MYH6: variants seen among roughly 807,000 people sequenced by gnomAD.
MYH6 encodes myosin-6.
A neutral mutation model predicts 223.2 loss-of-function variants in MYH6; 126 were observed. The ratio of observed to expected loss-of-function variants is 0.56; its 90% CI spans 0.49 to 0.65. The LOEUF (loss-of-function observed/expected upper bound fraction) is 0.65. Ranked by LOEUF, MYH6 falls within the 30% of genes least tolerant of loss-of-function variation. The pLI is 0.00. For missense variants in MYH6, 2,040 were observed against 2,536.4 expected (o/e 0.80, Z 4.20); for synonymous variants, 978 against 1,010.2 (o/e 0.97, Z 0.61).
At position 23,396,375 on chromosome 14, in the gene MYH6, C is replaced by T. The variant is rs748960382; in HGVS notation, c.2338G>A (p.Asp780Asn). The change falls in exon 20 of 39, where the codon GAT becomes AAT. Residue 780 changes from aspartate (D) to asparagine (N), a missense_variant. Around this residue, in one of 4 missense-constraint regions of MYH6, gnomAD observed 649 missense variants for 877.3 expected, o/e 0.74. Transcript: ENST00000405093. ...GTGATGATGCGGCTCAGCCTCTCATCCCGCATCTCCTCCAGCAGCCCAAGC... is the reference window on the plus strand; with the variant it reads ...GTGATGATGCGGCTCAGCCTCTCATTCCGCATCTCCTCCAGCAGCCCAAGC... ...GLLGLLEEMR[D>N]ERLSRIITRM... 6 of 1,614,074 alleles carry T rather than the reference C, an allele frequency of 3.7e-6. No homozygotes were observed. The South Asian group carries it at 4.4e-5, about 12-fold the overall frequency.
intron 9 of MYH6, 48 bp from the exon 10 acceptor site, chr14:23,403,494 A>G: frequency 6.5e-7 from 1 of 1,548,252 alleles, no homozygotes; most frequent in Non-Finnish European, 8.9e-7. Context: ...GAAAGAGAGT[A>G]GAGCCAGAAA....
chr14:23,390,472 C>T (rs1449060953), intron 25 of MYH6, 26 bp from the exon 26 acceptor site: 1 of 1,609,732 alleles, frequency 6.2e-7, no homozygotes, highest in East Asian at 2.2e-5. Flanking sequence ...AGGGCTCAGA[C>T]CCACCGCCTG....
In MYH6 at chr14:23,384,601, G is replaced by C. The variant is rs1363465884; in HGVS notation, c.5406C>G (p.Ala1802=). ...IKDLQHRLDE[A]EQIALKGGKK... is the part of the protein sequence containing the mutation. Reference sequence around the variant, plus strand: ...TGCCTCCCTTGAGGGCGATCTGCTCGGCCTCGTCCAGCCGGTGCTGCAGGT... The same window carrying C: ...TGCCTCCCTTGAGGGCGATCTGCTCCGCCTCGTCCAGCCGGTGCTGCAGGT... The change falls in exon 36 of 39, where the codon GCC becomes GCG. Residue 1802 remains alanine (A), a synonymous_variant. Coordinates refer to ENST00000405093, the MANE Select transcript of MYH6 (RefSeq NM_002471.4). 1 of 1,613,804 alleles carries C rather than the reference G, an allele frequency of 6.2e-7. No individual in the cohort carries two copies. The highest frequency in any genetic ancestry group is 8.5e-7 in the Non-Finnish European group (1 of 1,180,036).
At chr14:23,388,561 C>T (rs1335951758) in intron 29 of MYH6, 1 of 869,354 alleles carries the variant, frequency 1.2e-6, no homozygotes, top group Admixed American at 1.7e-5. Flanking sequence ...CCCCTGCCCT[C>T]ACCCCCCACA....
At chr14:23,382,262 A>G (rs1890883883) in intron 38 of MYH6, among the ~76,000 whole-genome samples, 166 bp downstream of exon 38, 3 of 152,044 alleles carry the variant, frequency 2.0e-5, no homozygotes, top group Non-Finnish European at 2.9e-5. Context: ...AGTTCCAGTC[A>G]GTGGGGGGCT....
In MYH6 at chr14:23,389,075, C is replaced by T. The variant is rs770680488; in HGVS notation, c.3979-20G>A. 1.8e-5 allele frequency: 28 copies of T among 1,560,512 alleles called. No homozygotes were observed. The highest frequency in any genetic ancestry group is 2.4e-5 in the Non-Finnish European group (28 of 1,143,790). On this transcript the variant is annotated intron_variant, in intron 28 of 38. Transcript: ENST00000405093. ...CTTCGCCTGGGGAGGGGGGGGGGCACCAGGAGGTGGGAGGGACTCCCTGTG... is the reference window on the plus strand; with the variant it reads ...CTTCGCCTGGGGAGGGGGGGGGGCATCAGGAGGTGGGAGGGACTCCCTGTG...
At position 23,405,098 on chromosome 14, in the gene MYH6, A is replaced by G. The variant is rs1891740959; in HGVS notation, c.530+2T>C. On this transcript the variant is annotated splice_donor_variant, in intron 6 of 38. Transcript: ENST00000405093. LOFTEE classifies it high-confidence loss of function. This position sits in a 1 kb window ranked among gnomAD's most constrained non-coding sequence, Gnocchi z 4.7. ...TTCTGTGGGAGGATGGCACTCGCTCACGTGATGAGGATGGACTGGTTCTCC... is the reference window on the plus strand; with the variant it reads ...TTCTGTGGGAGGATGGCACTCGCTCGCGTGATGAGGATGGACTGGTTCTCC... The G allele has an allele frequency of 1.2e-6, 2 of 1,614,064 alleles. No homozygotes were observed. The highest frequency in any genetic ancestry group is 1.7e-5 in the Admixed American group (1 of 60,026).
chr14:23,390,267 C>A lies in MYH6; in HGVS notation c.3522G>T (p.Gln1174His). ...CCTCCTCCAGGTCCCGCCGCATCTT[C>A]TGGAACTCGGCCTCGCGCTTCTTGT... ...EMNKKREAEFQKMRRDLEEAT... is the reference protein window; with the variant it reads ...EMNKKREAEFHKMRRDLEEAT... Residue 1174 changes from glutamine to histidine, a missense_variant, in exon 26 of 39, where the codon CAG (glutamine) becomes CAT (histidine). By Grantham distance (24) the Gln-to-His change is conservative. Coordinates refer to ENST00000405093, the MANE Select transcript of MYH6 (RefSeq NM_002471.4). The A allele has an allele frequency of 1.3e-6, 2 of 1,592,390 alleles. No individual in the cohort carries two copies. Among genetic ancestry groups the A allele is most frequent in the Non-Finnish European group, 1.7e-6 (2 of 1,168,044 alleles).
intron 20 of MYH6, 78 bp downstream of exon 20, chr14:23,396,206 C>T: frequency 6.2e-7 from 1 of 1,600,644 alleles, no homozygotes; most frequent in African/African-American, 1.3e-5. Context: ...GAACCCAGGT[C>T]TTCTGACCCA....
In MYH6 at chr14:23,405,720, G is replaced by T; in HGVS notation, c.252C>A (p.Phe84Leu). ...GCATGGCCATGTCCTCAATCTTGTC[G>T]AACTTGGGTGGGTTCTGCTGCAACA... ...DQVLQQNPPK[F>L]DKIEDMAMLT... Residue 84 changes from phenylalanine (F) to leucine (L), a missense_variant, in exon 4 of 39, where the codon TTC (phenylalanine) becomes TTA (leucine). Physicochemically the swap from Phe to Leu is conservative, Grantham distance 22. Around this residue, in one of 4 missense-constraint regions of MYH6, gnomAD observed 184 missense variants for 232.4 expected, o/e 0.79. Coordinates refer to ENST00000405093, the MANE Select transcript of MYH6 (RefSeq NM_002471.4). The surrounding 1 kb of genome is among the most constrained non-coding windows in gnomAD (Gnocchi z 4.7). The T allele has an allele frequency of 6.2e-7, 1 of 1,614,126 alleles. No homozygotes were observed. Among genetic ancestry groups the T allele is most frequent in the Non-Finnish European group, 8.5e-7 (1 of 1,180,030 alleles).
Position 23,383,339 on chromosome 14 carries a change from G to GGGGGGC in MYH6, c.5566-20_5566-19insGCCCCC. 1.8e-5 allele frequency: 2 copies of GGGGGGC among 108,200 alleles called. No individual in the cohort carries two copies. The highest frequency in any genetic ancestry group is 2.3e-4 in the East Asian group (1 of 4,410). 6.7% of individuals were successfully genotyped at this position (108,200 alleles called of 1,614,324 possible). Reference sequence around the variant, plus strand: ...CCTCTGTCTGGGGGTGGGAGGGTGGGAGAAGCTGGTTTGGAGGGGGAGCAA... The same window carrying GGGGGGC: ...CCTCTGTCTGGGGGTGGGAGGGTGGGGGGGGCAGAAGCTGGTTTGGAGGGGGAGCAA... On this transcript the variant is annotated intron_variant, in intron 36 of 38. Coordinates refer to ENST00000405093, the MANE Select transcript of MYH6 (RefSeq NM_002471.4).
rs1469231532 is a variant in MYH6 at position 23,386,134 on chromosome 14, G to A, written c.4960-3C>T. On this transcript the variant is annotated splice_region_variant and splice_polypyrimidine_tract_variant and intron_variant, in intron 33 of 38. Coordinates refer to ENST00000405093, the MANE Select transcript of MYH6 (RefSeq NM_002471.4). ...TCGTCCAGCTGGATCTGGGTGTCCTGAGCATCAGGAGAGTGGGTGTGAGCA... is the reference window on the plus strand; with the variant it reads ...TCGTCCAGCTGGATCTGGGTGTCCTAAGCATCAGGAGAGTGGGTGTGAGCA... 7.4e-6 allele frequency: 12 copies of A among 1,614,106 alleles called. No homozygotes were observed. The highest frequency in any genetic ancestry group is 1.1e-5 in the South Asian group (1 of 91,090).
chr14:23,393,634 C>T, intron 22 of MYH6, 32 bp downstream of exon 22: 1 of 1,614,214 alleles, frequency 6.2e-7, no homozygotes, highest in Non-Finnish European at 8.5e-7. Context: ...CTTGAGGAGA[C>T]CTGGGCTGAA....
intron 22 of MYH6, 54 bp from the exon 23 acceptor site, chr14:23,393,572 A>T (rs1340571137): frequency 6.2e-7 from 1 of 1,613,956 alleles, no homozygotes; most frequent in African/African-American, 1.3e-5. Context: ...GCCTGGAGAC[A>T]TCTATGGGGA....
intron 36 of MYH6, among the ~76,000 whole-genome samples, chr14:23,383,572 A>T (rs1368322088): frequency 1.3e-5 from 2 of 152,154 alleles, no homozygotes. Flanking sequence ...AGGGGCTCAG[A>T]ACCTAATGGA....
chr14:23,388,396 T>C (rs1891108221), intron 29 of MYH6, 58 bp from the exon 30 acceptor site: 11 of 1,604,128 alleles, frequency 6.9e-6, no homozygotes, highest in Non-Finnish European at 9.3e-6. Flanking sequence ...ACTGGAGCCT[T>C]GGGTGGACCT....
chr14:23,397,683 T>C, intron 15 of MYH6, 70 bp from the exon 16 acceptor site: 1 of 1,504,490 alleles, frequency 6.6e-7, no homozygotes, highest in Non-Finnish European at 9.2e-7. Context: ...GAGGCAGAGC[T>C]CTGCTGCTCG....
Position 23,400,368 on chromosome 14 carries a change from A to C in MYH6, c.1469T>G (p.Phe490Cys). The C allele has an allele frequency of 6.2e-7, 1 of 1,614,180 alleles. No homozygotes were observed. The stretch of plus-strand genomic sequence containing the variant: ...CTCCAGCACGAACATGTGGTGGTTG[A>C]AGAACTGCTGCAGCTTCTCGTTGGT... Reference protein sequence around the residue: ...NFTNEKLQQFFNHHMFVLEQE... With the variant: ...NFTNEKLQQFCNHHMFVLEQE... The change falls in exon 14 of 39, where the codon TTC (phenylalanine) becomes TGC (cysteine). Residue 490 changes from phenylalanine to cysteine, a missense_variant. Around this residue, in one of 4 missense-constraint regions of MYH6, gnomAD observed 649 missense variants for 877.3 expected, o/e 0.74. Coordinates refer to ENST00000405093, the MANE Select transcript of MYH6 (RefSeq NM_002471.4).
chr14:23,398,743 C>A lies in MYH6; in HGVS notation c.1876G>T (p.Ala626Ser), dbSNP rs760108411. Residue 626 changes from alanine to serine, a missense_variant, in exon 15 of 39, where the codon GCA becomes TCA. Physicochemically the swap from Ala to Ser is moderately conservative, Grantham distance 99. This residue lies in a region of MYH6 where 649 missense variants were observed against 877.3 expected (regional missense o/e 0.74). Coordinates refer to ENST00000405093, the MANE Select transcript of MYH6 (RefSeq NM_002471.4). Reference protein sequence around the residue: ...KLMATLFSSYATADTGDSGKS... With the variant: ...KLMATLFSSYSTADTGDSGKS... ...GCCTGCTTACCAGTATCGGCAGTTG[C>A]GTAGGAGGAGAAGAGAGTGGCCATG... 2 of 1,614,138 alleles carry A rather than the reference C, an allele frequency of 1.2e-6. No homozygotes were observed. The highest frequency in any genetic ancestry group is 1.7e-6 in the Non-Finnish European group (2 of 1,180,024).
Sources: allele counts gnomAD v4.1 joint callset (sites outside exome capture counted in the v4.1 genomes callset), GRCh38; gene constraint gnomAD v4.1.1; regional missense constraint gnomAD v4.1.1; non-coding constraint Gnocchi (gnomAD v3.1); transcripts MANE v1.5; gene names NCBI Gene and HGNC (gene_info 2026-07-23, HGNC 2026-07-21).